The following HYCC2 variants were observed in gnomAD, a reference collection of about 807,000 sequenced individuals.
HYCC2 encodes the protein hyccin PI4KA lipid kinase complex subunit 2.
the HYCC2 span, chr2:200,980,139 C>T: frequency 6.6e-6 from 1 of 152,562 alleles, no homozygotes; most frequent in Non-Finnish European, 1.5e-5. Context: ...GATATATTTC[C>T]TTGGAGTATG....
chr2:201,011,038 A>G, the HYCC2 span, among the ~76,000 whole-genome samples: 1 of 151,930 alleles, frequency 6.6e-6, no homozygotes, highest in Non-Finnish European at 1.5e-5. Context: ...CCAGCTACTC[A>G]GGAGGCCGAG....
At chr2:201,012,785 A>G in the HYCC2 span, among the ~76,000 whole-genome samples, 2 of 151,814 alleles carry the variant, frequency 1.3e-5, no homozygotes, top group Non-Finnish European at 2.9e-5. Context: ...TCTCTACTAA[A>G]AATACAAAAA....
the HYCC2 span, among the ~76,000 whole-genome samples, chr2:201,060,061 G>T: frequency 4.9e-5 from 7 of 144,280 alleles, no homozygotes; most frequent in East Asian, 2.2e-4. Context: ...AAGCGGGGGG[G>T]GGGGGGTTCT....
the HYCC2 span, among the ~76,000 whole-genome samples, chr2:201,060,179 T>C: frequency 6.6e-6 from 1 of 152,088 alleles, no homozygotes; most frequent in Non-Finnish European, 1.5e-5. Context: ...TTCATGTCTA[T>C]TGAATGAAGA....
At chr2:200,991,362 G>T in the HYCC2 span, among the ~76,000 whole-genome samples, 2 of 152,094 alleles carry the variant, frequency 1.3e-5, no homozygotes, top group South Asian at 4.1e-4. Flanking sequence ...GAGGTCAGGA[G>T]ATCGAGACCA....
chr2:201,053,833 G>A, the HYCC2 span, among the ~76,000 whole-genome samples: 9 of 151,876 alleles, frequency 5.9e-5, no homozygotes, highest in Non-Finnish European at 8.8e-5. Flanking sequence ...GCATGGTGGC[G>A]AGCACCTGTA....
At chr2:201,011,020 C>T in the HYCC2 span, among the ~76,000 whole-genome samples, 1 of 151,932 alleles carries the variant, frequency 6.6e-6, no homozygotes, top group Non-Finnish European at 1.5e-5. Context: ...TGGCACGTGT[C>T]TATAGTCCCA....
the HYCC2 span, among the ~76,000 whole-genome samples, chr2:200,986,574 C>T: frequency 4.0e-5 from 6 of 151,298 alleles, no homozygotes; most frequent in Admixed American, 6.6e-5. Flanking sequence ...GATGGGGGTT[C>T]GGGGGGGAAG....
the HYCC2 span, among the ~76,000 whole-genome samples, chr2:201,035,730 GT>G: frequency 1.3e-5 from 2 of 152,112 alleles, no homozygotes; most frequent in Non-Finnish European, 2.9e-5. Context: ...CATCTTTGTG[GT>G]TTTATCTACC....
the HYCC2 span, among the ~76,000 whole-genome samples, chr2:201,007,632 G>A: frequency 6.6e-6 from 1 of 152,164 alleles, no homozygotes; most frequent in African/African-American, 2.4e-5. Flanking sequence ...AAGAGTCTTT[G>A]TTTAGGGCCG....
chr2:201,042,325 G>A, the HYCC2 span, among the ~76,000 whole-genome samples: 1 of 152,096 alleles, frequency 6.6e-6, no homozygotes, highest in Non-Finnish European at 1.5e-5. Flanking sequence ...CCTCCCAGCC[G>A]CCTGCCTTGG....
chr2:201,024,809 C>G, the HYCC2 span, among the ~76,000 whole-genome samples: 4 of 152,130 alleles, frequency 2.6e-5, no homozygotes, highest in African/African-American at 9.6e-5. Context: ...AAAACAGATC[C>G]ATAAATTTTC....
the HYCC2 span, among the ~76,000 whole-genome samples, chr2:200,994,601 T>G: frequency 6.6e-6 from 1 of 152,244 alleles, no homozygotes; most frequent in African/African-American, 2.4e-5. Context: ...AACTTAACAA[T>G]GTACAAGGAG....
At chr2:201,010,003 C>G in the HYCC2 span, among the ~76,000 whole-genome samples, 1 of 151,258 alleles carries the variant, frequency 6.6e-6, no homozygotes, top group African/African-American at 2.4e-5. Flanking sequence ...ACTCGGAAGG[C>G]TGAGACAGGA....
chr2:201,058,321 TCTAA>T, the HYCC2 span, among the ~76,000 whole-genome samples: 4 of 152,214 alleles, frequency 2.6e-5, no homozygotes, highest in African/African-American at 7.2e-5. Flanking sequence ...TTTACCAATC[TCTAA>T]CTAACATTTA....
the HYCC2 span, among the ~76,000 whole-genome samples, chr2:201,057,048 C>T: frequency 6.6e-6 from 1 of 152,200 alleles, no homozygotes; most frequent in African/African-American, 2.4e-5. Flanking sequence ...CTGAAGAGAG[C>T]TATGCCCTCT....
chr2:201,036,753 A>G, the HYCC2 span, among the ~76,000 whole-genome samples: 3 of 152,222 alleles, frequency 2.0e-5, no homozygotes, highest in Non-Finnish European at 2.9e-5. Flanking sequence ...TCTCAAAATA[A>G]TAAGAGCTAT....
At chr2:200,992,476 T>C in the HYCC2 span, 14 of 760,360 alleles carry the variant, frequency 1.8e-5, no homozygotes, top group Admixed American at 3.2e-4. Context: ...AAAACTTTCA[T>C]ACCAAGTGTT....
chr2:201,016,882 T>C, the HYCC2 span: 3 of 1,098,926 alleles, frequency 2.7e-6, no homozygotes, highest in Non-Finnish European at 2.6e-6. Flanking sequence ...ATTACAGGCA[T>C]GAGCCACTGC....
Sources: allele counts gnomAD v4.1 joint callset (sites outside exome capture counted in the v4.1 genomes callset), GRCh38; gene constraint gnomAD v4.1.1; transcripts MANE v1.5; gene names NCBI Gene and HGNC (gene_info 2026-07-23, HGNC 2026-07-21).